ASTN2: variants seen among roughly 807,000 people sequenced by gnomAD.
ASTN2 encodes astrotactin 2, also known as astrotactin-2.
In ASTN2, 54 loss-of-function variants were observed where a neutral mutation model predicts 139.8. The ratio of observed to expected loss-of-function variants is 0.39; its 90% CI spans 0.31 to 0.48. The LOEUF (loss-of-function observed/expected upper bound fraction) is 0.48, where lower values mean the gene tolerates loss of function less well. Among genes scored for constraint, ASTN2 ranks in the 20% least tolerant of loss-of-function variants. The pLI is 0.95. For missense variants in ASTN2, 1,565 were observed against 1,725.1 expected (o/e 0.91, Z 1.64); for synonymous variants, 756 against 719.5 (o/e 1.05, Z -0.81).
chr9:116,443,600 C>G (rs1309968282), intron 20 of ASTN2, among the ~76,000 whole-genome samples: 1 of 152,076 alleles, frequency 6.6e-6, no homozygotes, highest in African/African-American at 2.4e-5. Flanking sequence ...CTCGGGGAAG[C>G]TCTGTGACCC....
At chr9:117,147,285 C>CA (rs1458885239) in intron 3 of ASTN2, among the ~76,000 whole-genome samples, 1 of 152,032 alleles carries the variant, frequency 6.6e-6, no homozygotes, top group Non-Finnish European at 1.5e-5. Context: ...ATTTAAAATG[C>CA]AAAAATTAGC....
intron 7 of ASTN2, among the ~76,000 whole-genome samples, chr9:116,991,044 T>C (rs1836836832): frequency 6.6e-6 from 1 of 152,220 alleles, no homozygotes; most frequent in African/African-American, 2.4e-5. Context: ...ATACTCCCAT[T>C]TTCTGGTAGA....
At chr9:117,165,416 G>A (rs988888742) in intron 3 of ASTN2, among the ~76,000 whole-genome samples, 43 of 152,014 alleles carry the variant, frequency 2.8e-4, no homozygotes, top group African/African-American at 9.7e-4. Flanking sequence ...GAGTTCAAGG[G>A]CTGGGCTCCT....
intron 20 of ASTN2, among the ~76,000 whole-genome samples, chr9:116,459,707 C>T (rs1032423430): frequency 1.3e-5 from 2 of 151,986 alleles, no homozygotes; most frequent in East Asian, 1.9e-4. Context: ...TGAGACACCA[C>T]TTCATACCCA....
chr9:116,890,421 A>T (rs975367428), intron 10 of ASTN2, among the ~76,000 whole-genome samples: 1 of 152,226 alleles, frequency 6.6e-6, no homozygotes, highest in Non-Finnish European at 1.5e-5. Flanking sequence ...TCTTCTGGTT[A>T]TTTTATGATA....
chr9:116,690,229 T>G (rs1860497858), intron 16 of ASTN2, among the ~76,000 whole-genome samples: 1 of 152,194 alleles, frequency 6.6e-6, no homozygotes. Flanking sequence ...TGATTATAAT[T>G]TGTTGAGTGC....
At chr9:117,338,633 C>A (rs1320173278) in intron 1 of ASTN2, among the ~76,000 whole-genome samples, 1 of 152,110 alleles carries the variant, frequency 6.6e-6, no homozygotes, top group South Asian at 2.1e-4. Context: ...GGTGCTTCTT[C>A]CCCCCTCCAC....
chr9:117,268,289 G>A (rs1209370589), intron 2 of ASTN2, among the ~76,000 whole-genome samples: 1 of 152,112 alleles, frequency 6.6e-6, no homozygotes, highest in Non-Finnish European at 1.5e-5. Context: ...TGGAATTCCT[G>A]GAGTCAAATA....
intron 20 of ASTN2, among the ~76,000 whole-genome samples, chr9:116,482,744 T>C (rs1849213695): frequency 6.6e-6 from 1 of 152,152 alleles, no homozygotes; most frequent in Non-Finnish European, 1.5e-5. Context: ...CCCGCTAAGA[T>C]AGAGCCTCTG....
chr9:116,994,518 T>C (rs990974230), intron 7 of ASTN2, among the ~76,000 whole-genome samples: 3 of 152,202 alleles, frequency 2.0e-5, no homozygotes, highest in Non-Finnish European at 2.9e-5. Context: ...CACTGTCTAA[T>C]TGAGCTTGTT....
intron 16 of ASTN2, among the ~76,000 whole-genome samples, chr9:116,669,627 ATTG>A (rs891239321): frequency 2.6e-5 from 4 of 151,940 alleles, no homozygotes; most frequent in Non-Finnish European, 5.9e-5. Context: ...CTATTTTCTT[ATTG>A]TTGAGTTTTA....
At chr9:116,566,760 G>C (rs1278894693) in intron 19 of ASTN2, among the ~76,000 whole-genome samples, 1 of 152,198 alleles carries the variant, frequency 6.6e-6, no homozygotes. Flanking sequence ...GGGATACTAA[G>C]GCAAGCCCAT....
intron 11 of ASTN2, among the ~76,000 whole-genome samples, chr9:116,827,170 G>A (rs1180731701): frequency 1.3e-5 from 2 of 151,714 alleles, no homozygotes; most frequent in East Asian, 3.9e-4. Flanking sequence ...TTAGCCGGGT[G>A]CGGTGGTGCA....
chr9:117,353,633 C>T (rs2130884127), intron 1 of ASTN2, among the ~76,000 whole-genome samples: 1 of 152,222 alleles, frequency 6.6e-6, no homozygotes, highest in East Asian at 1.9e-4. Context: ...AATGTTCCAA[C>T]AATTACCAGC....
Position 117,096,169 on chromosome 9 carries a change from C to G in ASTN2, c.1169-18G>C. On this transcript the variant is annotated intron_variant, in intron 4 of 22. Transcript: ENST00000313400. Reference sequence around the variant, plus strand: ...GATTCCTCCTGTGAGTAAGCACAGTCTATCAGTTAGTCTCCCAGGCCTCCA... The same window carrying G: ...GATTCCTCCTGTGAGTAAGCACAGTGTATCAGTTAGTCTCCCAGGCCTCCA... 1.2e-6 allele frequency: 2 copies of G among 1,602,486 alleles called. No individual in the cohort carries two copies. Among genetic ancestry groups the G allele is most frequent in the African/African-American group, 2.7e-5 (2 of 74,834 alleles).
intron 5 of ASTN2, among the ~76,000 whole-genome samples, chr9:117,057,850 A>G (rs1337823061): frequency 6.6e-6 from 1 of 152,152 alleles, no homozygotes; most frequent in African/African-American, 2.4e-5. Flanking sequence ...TAGGCTGGTC[A>G]TTTCTGTTTT....
intron 1 of ASTN2, among the ~76,000 whole-genome samples, chr9:117,363,301 G>T (rs998699515): frequency 9.9e-5 from 15 of 152,144 alleles, no homozygotes; most frequent in African/African-American, 2.4e-5. Context: ...GTGAAGGAAG[G>T]CTTTACAGAA....
chr9:117,020,884 T>C lies in ASTN2; in HGVS notation c.1424-12625A>G, dbSNP rs200248090. Reference sequence around the variant, plus strand: ...ACTATTTGCAGAATATTGCCATAGATGTTATCAAACGGAAACAAAAGAGAC... The same window carrying C: ...ACTATTTGCAGAATATTGCCATAGACGTTATCAAACGGAAACAAAAGAGAC... On this transcript the variant is annotated intron_variant, in intron 6 of 22. Coordinates refer to ENST00000313400, the MANE Select transcript of ASTN2 (RefSeq NM_001365068.1). Among the ~76,000 whole-genome samples, 5 of 152,220 alleles carry C rather than the reference T, an allele frequency of 3.3e-5. No individual in the cohort carries two copies. The East Asian group carries it at 9.7e-4, about 29-fold the overall frequency.
intron 7 of ASTN2, among the ~76,000 whole-genome samples, chr9:116,981,976 C>A (rs975129996): frequency 2.2e-4 from 34 of 152,196 alleles, no homozygotes; most frequent in Non-Finnish European, 5.0e-4. Flanking sequence ...CTTCATGTCT[C>A]CTGGCTGCCA....
Sources: allele counts gnomAD v4.1 joint callset (sites outside exome capture counted in the v4.1 genomes callset), GRCh38; gene constraint gnomAD v4.1.1; transcripts MANE v1.5; gene names NCBI Gene and HGNC (gene_info 2026-07-23, HGNC 2026-07-21).